The following ARPC1B variants were observed in gnomAD, a reference collection of about 807,000 sequenced individuals.
The protein encoded by ARPC1B is actin-related protein 2/3 complex subunit 1B.
A neutral mutation model predicts 46.0 loss-of-function variants in ARPC1B; 29 were observed. The ratio of observed to expected loss-of-function variants is 0.63; its 90% confidence interval spans 0.47 to 0.86. The LOEUF (loss-of-function observed/expected upper bound fraction) is 0.86, where lower values mean the gene tolerates loss of function less well. Ranked by LOEUF, ARPC1B falls within the 40% of genes least tolerant of loss-of-function variation. The probability of loss-of-function intolerance (pLI) is 0.00; values close to 1 mark genes in which losing one functional copy is unlikely to be tolerated. For synonymous variants in ARPC1B, 201 were observed against 213.9 expected, an observed-to-expected ratio of 0.94 and a Z score of 0.53; for missense variants, 469 against 529.4, an observed-to-expected ratio of 0.89 and a Z score of 1.12.
intron 1 of ARPC1B, among the ~76,000 whole-genome samples, chr7:99,385,267 A>G (rs1794350656): frequency 8.3e-6 from 1 of 121,028 alleles, no homozygotes; most frequent in South Asian, 2.9e-4. Flanking sequence ...GGATGACTTC[A>G]TCTTCATCCC....
chr7:99,390,108 T>G, intron 5 of ARPC1B, 96 bp downstream of exon 5: 3 of 1,101,140 alleles, frequency 2.7e-6, no homozygotes, highest in Non-Finnish European at 2.7e-6. Context: ...CACCCCAGCT[T>G]CTAGACACAT....
intron 1 of ARPC1B, among the ~76,000 whole-genome samples, chr7:99,380,473 T>C (rs1446546190): frequency 2.0e-5 from 3 of 152,240 alleles, no homozygotes; most frequent in Non-Finnish European, 4.4e-5. Flanking sequence ...TTTCTGCTAA[T>C]TCATGCTGAA....
At chr7:99,385,928 C>T in intron 2 of ARPC1B, 150 bp downstream of exon 2, 1 of 774,714 alleles carries the variant, frequency 1.3e-6, no homozygotes, top group Non-Finnish European at 2.0e-6. Flanking sequence ...GGTCTTCCAG[C>T]TGACCAGGGG....
chr7:99,386,384 G>A, intron 2 of ARPC1B: 1 of 543,644 alleles, frequency 1.8e-6, no homozygotes, highest in Non-Finnish European at 3.5e-6. Context: ...CTGGGGAGGG[G>A]CTGGCAGGTG....
chr7:99,376,810 C>T (rs539592275), intron 1 of ARPC1B, among the ~76,000 whole-genome samples: 2 of 148,652 alleles, frequency 1.3e-5, no homozygotes, highest in South Asian at 4.3e-4. Context: ...GCGGAGGTTG[C>T]GGTGAGCCAA....
chr7:99,393,177 C>G (rs950352532), intron 8 of ARPC1B, among the ~76,000 whole-genome samples: 1 of 152,130 alleles, frequency 6.6e-6, no homozygotes, highest in Non-Finnish European at 1.5e-5. Flanking sequence ...TAGGGAGTGG[C>G]TTTGACTCGC....
At chr7:99,385,656 C>G in intron 1 of ARPC1B, 46 bp from the exon 2 acceptor site, 1 of 1,540,734 alleles carries the variant, frequency 6.5e-7, no homozygotes. Flanking sequence ...AAGTCAGGGG[C>G]AAGGTTGGGG....
chr7:99,386,254 A>G, intron 2 of ARPC1B: 1 of 356,226 alleles, frequency 2.8e-6, no homozygotes, highest in Non-Finnish European at 5.5e-6. Flanking sequence ...CTGTCTCAAA[A>G]AAAAAAAAAG....
At chr7:99,392,105 A>AGCTGTCCCCAGCAT (rs1794586566) in intron 7 of ARPC1B, 1 of 152,972 alleles carries the variant, frequency 6.5e-6, no homozygotes, top group Admixed American at 6.5e-5. Context: ...CTCTGATGGA[A>AGCTGTCCCCAGCAT]GCTGTCCCCA....
Position 99,391,031 on chromosome 7 carries a change from C to A in ARPC1B, c.639C>A (p.Ser213Arg). The A allele has an allele frequency of 6.2e-7, 1 of 1,613,904 alleles. No individual in the cohort carries two copies. The highest frequency in any genetic ancestry group is 8.5e-7 in the Non-Finnish European group (1 of 1,180,008). ...TACATGGCGTCTGTTTCTCAGCCAG[C>A]GGGAGCCGCGTGGCCTGGGTAAGCC... ...GWVHGVCFSASGSRVAWVSHD... is the reference protein window; with the variant it reads ...GWVHGVCFSARGSRVAWVSHD... Residue 213 changes from serine to arginine, a missense_variant, in exon 6 of 10, where the codon AGC (serine) becomes AGA (arginine). Physicochemically the swap from Ser to Arg is moderately radical, Grantham distance 110. Transcript: ENST00000646101.
At chr7:99,390,185 A>G (rs556781326) in intron 5 of ARPC1B, among the ~76,000 whole-genome samples, 173 bp downstream of exon 5, 8 of 152,234 alleles carry the variant, frequency 5.3e-5, no homozygotes, top group African/African-American at 1.9e-4. Flanking sequence ...GGAACCCTTC[A>G]TGTCTCAGCT....
At chr7:99,387,901 A>G (rs1181636196) in intron 3 of ARPC1B, 138 bp from the exon 4 acceptor site, 6 of 440,018 alleles carry the variant, frequency 1.4e-5, no homozygotes, top group East Asian at 1.2e-4. Context: ...CTCTGTTTCA[A>G]AAAAAAAAAA....
intron 9 of ARPC1B, 154 bp from the exon 10 acceptor site, chr7:99,394,297 T>C: frequency 9.6e-7 from 1 of 1,044,670 alleles, no homozygotes. Context: ...GGCACCCGTC[T>C]TCAGGGCCGG....
rs1562819843 is a variant in ARPC1B, at chr7:99,394,083, T to C, written c.1044T>C (p.Thr348=). The part of the protein sequence containing the change: ...GKAKCSQFCT[T]GMDGGMSIWD... ...CCAAGTGCTCGCAGTTCTGCACCAC[T>C]GGCATGGATGGCGGCATGAGTATCT... The change falls in exon 9 of 10, where the codon ACT becomes ACC. Residue 348 remains threonine, a synonymous_variant. Transcript: ENST00000646101. 2 of 1,613,548 alleles carry C rather than the reference T, an allele frequency of 1.2e-6. No homozygotes were observed. Among genetic ancestry groups the C allele is most frequent in the African/African-American group, 1.3e-5 (1 of 74,930 alleles).
chr7:99,379,595 G>A (rs1171213639), intron 1 of ARPC1B, among the ~76,000 whole-genome samples: 4 of 152,160 alleles, frequency 2.6e-5, no homozygotes, highest in African/African-American at 9.7e-5. Flanking sequence ...CCCGCAGCCT[G>A]TGCCTAGTCT....
At position 99,387,905 on chromosome 7, in the gene ARPC1B, A is replaced by T. The variant is rs537326357; in HGVS notation, c.170-134A>T. 3 of 649,454 alleles carry T rather than the reference A, an allele frequency of 4.6e-6. No individual in the cohort carries two copies. In the East Asian group the frequency reaches 8.0e-5, roughly 17 times the overall value. 40.2% of individuals were successfully genotyped at this position (649,454 alleles called of 1,614,324 possible). A position where few individuals can be genotyped will look rare whatever the true frequency, so the allele number is the denominator to read the frequency against. On this transcript the variant is annotated intron_variant, in intron 3 of 9. Coordinates refer to ENST00000646101, the MANE Select transcript of ARPC1B (RefSeq NM_005720.4). ...ACAGAGCGAGACTCTGTTTCAAAAA[A>T]AAAAAAAAGTGCCTGCTGGGCAGAT...
intron 1 of ARPC1B, among the ~76,000 whole-genome samples, chr7:99,380,321 G>T (rs1157934541): frequency 6.6e-6 from 1 of 152,208 alleles, no homozygotes; most frequent in Non-Finnish European, 1.5e-5. Flanking sequence ...AGATGTGGGG[G>T]TTGGGGAGTT....
intron 1 of ARPC1B, among the ~76,000 whole-genome samples, chr7:99,375,379 G>A (rs1287184984): frequency 6.6e-6 from 1 of 152,184 alleles, no homozygotes; most frequent in Admixed American, 6.5e-5. Flanking sequence ...CCCGGGCCAG[G>A]TCCGAGGGGT....
chr7:99,378,978 C>T (rs1425959922), intron 1 of ARPC1B, among the ~76,000 whole-genome samples: 1 of 151,768 alleles, frequency 6.6e-6, no homozygotes, highest in Non-Finnish European at 1.5e-5. Context: ...GGGGTTTCAC[C>T]GTTTTAGCCA....
Sources: gnomAD v4.1 joint callset for allele counts (sites outside exome capture counted in the v4.1 genomes callset) on GRCh38, gnomAD v4.1.1 for gene constraint, MANE v1.5 for transcripts, NCBI Gene and HGNC (gene_info 2026-07-23, HGNC 2026-07-21) for gene names.